Variants in BLTP1 observed in about 807,000 individuals in gnomAD.
The protein encoded by BLTP1 is bridge-like lipid transfer protein family member 1, also known as fragile site-associated protein.
the BLTP1 span, chr4:122,355,842 C>T: frequency 6.2e-7 from 1 of 1,611,686 alleles, no homozygotes; most frequent in South Asian, 1.1e-5. Context: ...CTGAGAATAG[C>T]ACTACTGTGA....
the BLTP1 span, among the ~76,000 whole-genome samples, chr4:122,288,354 G>C: frequency 6.6e-6 from 1 of 152,056 alleles, no homozygotes; most frequent in Admixed American, 6.5e-5. Context: ...GGTACATAGA[G>C]TAGACAGTCA....
chr4:122,217,596 T>G, the BLTP1 span, among the ~76,000 whole-genome samples: 2 of 152,186 alleles, frequency 1.3e-5, no homozygotes, highest in African/African-American at 2.4e-5. Flanking sequence ...ATCTTTTTGA[T>G]ATGCTCTTAG....
the BLTP1 span, chr4:122,337,223 T>C: frequency 1.5e-4 from 82 of 550,036 alleles, no homozygotes; most frequent in African/African-American, 1.5e-3. Context: ...GCTCAAGTTA[T>C]GATGCTGTTC....
the BLTP1 span, chr4:122,257,342 G>A: frequency 1.9e-6 from 3 of 1,613,998 alleles, no homozygotes; most frequent in African/African-American, 4.0e-5. Context: ...GGTGACACCA[G>A]CCTTTAAAGG....
At chr4:122,193,544 T>G in the BLTP1 span, 1 of 435,312 alleles carries the variant, frequency 2.3e-6, no homozygotes, top group Non-Finnish European at 3.1e-6. Flanking sequence ...TAATATATTA[T>G]GAACATTTTT....
At chr4:122,344,072 GCTT>G in the BLTP1 span, 9 of 830,514 alleles carry the variant, frequency 1.1e-5, no homozygotes, top group South Asian at 2.2e-4. Context: ...ATGCATAAAA[GCTT>G]CTTATTAGTA....
chr4:122,157,977 AGTTTGCTGTGTATCAG>A, the BLTP1 span, among the ~76,000 whole-genome samples: 1 of 152,032 alleles, frequency 6.6e-6, no homozygotes, highest in Non-Finnish European at 1.5e-5. Flanking sequence ...TTGGGTGGGT[AGTTTGCTGTGTATCAG>A]GTGAGGGTTC....
At chr4:122,246,571 G>A in the BLTP1 span, 1 of 1,299,514 alleles carries the variant, frequency 7.7e-7, no homozygotes. Flanking sequence ...TGTCTTCACT[G>A]TCAAATACAT....
the BLTP1 span, chr4:122,307,669 A>G: frequency 2.1e-5 from 21 of 985,118 alleles, no homozygotes; most frequent in Non-Finnish European, 2.5e-5. Context: ...CTAACATATA[A>G]TAGGCATTTC....
the BLTP1 span, chr4:122,256,195 C>T: frequency 1.0e-6 from 1 of 983,192 alleles, no homozygotes; most frequent in Non-Finnish European, 1.2e-6. Context: ...AATGGCCAGT[C>T]AAGCCATTGT....
chr4:122,170,026 G>C, the BLTP1 span: 1 of 982,444 alleles, frequency 1.0e-6, no homozygotes, highest in African/African-American at 1.7e-5. Context: ...GAATAATCAC[G>C]CTGGGCGCGG....
chr4:122,310,850 T>C, the BLTP1 span: 1 of 543,198 alleles, frequency 1.8e-6, no homozygotes, highest in Non-Finnish European at 2.3e-6. Context: ...CCAGTACTTA[T>C]TTGAAATACT....
chr4:122,325,072 C>T, the BLTP1 span: 6 of 341,748 alleles, frequency 1.8e-5, no homozygotes, highest in Non-Finnish European at 2.5e-5. Flanking sequence ...AACATTGACT[C>T]TTTTTTATGG....
At chr4:122,283,556 G>A in the BLTP1 span, among the ~76,000 whole-genome samples, 3 of 152,208 alleles carry the variant, frequency 2.0e-5, no homozygotes, top group East Asian at 5.8e-4. Flanking sequence ...TTGTTGCCCA[G>A]GCTGGAGGGC....
At chr4:122,269,530 C>T in the BLTP1 span, 1 of 985,234 alleles carries the variant, frequency 1.0e-6, no homozygotes, top group South Asian at 4.7e-5. Flanking sequence ...TTTTATTTCT[C>T]AGATCTCCTG....
the BLTP1 span, among the ~76,000 whole-genome samples, chr4:122,352,049 G>T: frequency 6.6e-6 from 1 of 152,148 alleles, no homozygotes; most frequent in African/African-American, 2.4e-5. Context: ...GTACAGGTGG[G>T]CTTAAGAGTC....
At chr4:122,212,241 A>G in the BLTP1 span, among the ~76,000 whole-genome samples, 1 of 152,160 alleles carries the variant, frequency 6.6e-6, no homozygotes, top group Non-Finnish European at 1.5e-5. Flanking sequence ...TCATCAGATG[A>G]TGTAACTTAG....
the BLTP1 span, chr4:122,224,643 C>T: frequency 1.9e-6 from 3 of 1,614,030 alleles, no homozygotes; most frequent in Non-Finnish European, 2.5e-6. Context: ...GATGTGCAGG[C>T]TGGAAGTCTT....
the BLTP1 span, chr4:122,305,842 T>G: frequency 6.6e-7 from 1 of 1,510,868 alleles, no homozygotes; most frequent in Non-Finnish European, 8.9e-7. Flanking sequence ...CTTTTTCCAT[T>G]ATTTTATTTT....
Sources: allele counts gnomAD v4.1 joint callset (sites outside exome capture counted in the v4.1 genomes callset), GRCh38; gene constraint gnomAD v4.1.1; transcripts MANE v1.5; gene names NCBI Gene and HGNC (gene_info 2026-07-23, HGNC 2026-07-21).